Variants in GALNT13 observed in about 807,000 individuals in gnomAD.
GALNT13 encodes the protein polypeptide N-acetylgalactosaminyltransferase 13.
A neutral mutation model predicts 64.2 loss-of-function variants in GALNT13; 28 were observed. The observed-to-expected ratio is 0.44, with a 90% CI of 0.32 to 0.60. GALNT13 has a LOEUF of 0.60. Ranked by LOEUF, GALNT13 falls within the 20% of genes least tolerant of loss-of-function variation. GALNT13 has a pLI of 0.05. For missense variants in GALNT13, 577 were observed against 669.8 expected (o/e 0.86, Z 1.53); for synonymous variants, 214 against 224.6 (o/e 0.95, Z 0.42).
At chr2:153,075,587 A>G in the GALNT13 span, among the ~76,000 whole-genome samples, 4 of 152,216 alleles carry the variant, frequency 2.6e-5, no homozygotes, top group Admixed American at 6.5e-5. Flanking sequence ...TAGTTACACT[A>G]TCAATTCAAG....
chr2:153,519,503 T>C, the GALNT13 span, among the ~76,000 whole-genome samples: 2 of 152,294 alleles, frequency 1.3e-5, no homozygotes, highest in East Asian at 3.9e-4. Flanking sequence ...GTCTTTTTTT[T>C]CTTTTTAACT....
At chr2:153,199,292 A>G in the GALNT13 span, among the ~76,000 whole-genome samples, 1 of 152,210 alleles carries the variant, frequency 6.6e-6, no homozygotes, top group Non-Finnish European at 1.5e-5. Context: ...AGGAAAGCTT[A>G]TGGCTGTAGG....
At chr2:154,311,407 A>C (rs986255471) in intron 9 of GALNT13, among the ~76,000 whole-genome samples, 2 of 152,120 alleles carry the variant, frequency 1.3e-5, no homozygotes, top group African/African-American at 2.4e-5. Flanking sequence ...ATGCCCCACA[A>C]GCCACAAAAA....
At chr2:153,331,522 C>A in the GALNT13 span, among the ~76,000 whole-genome samples, 1 of 152,036 alleles carries the variant, frequency 6.6e-6, no homozygotes, top group Non-Finnish European at 1.5e-5. Context: ...AGAACCAGTC[C>A]GAGCCCCAAA....
the GALNT13 span, among the ~76,000 whole-genome samples, chr2:153,392,629 T>C: frequency 6.6e-6 from 1 of 152,058 alleles, no homozygotes; most frequent in Non-Finnish European, 1.5e-5. Context: ...AAACTCCCTC[T>C]TCCTCTGGGG....
At chr2:154,042,962 A>G (rs1699066357) in intron 3 of GALNT13, among the ~76,000 whole-genome samples, 1 of 152,060 alleles carries the variant, frequency 6.6e-6, no homozygotes, top group African/African-American at 2.4e-5. Flanking sequence ...GAAGGGTGGC[A>G]TATGACTATG....
the GALNT13 span, among the ~76,000 whole-genome samples, chr2:153,316,462 G>GA: frequency 0.15 from 22,637 of 151,430 alleles, 1,831 homozygotes; most frequent in Middle Eastern, 0.21. Context: ...CCAACATGAA[G>GA]AAACAATGTC....
intron 3 of GALNT13, among the ~76,000 whole-genome samples, chr2:154,029,119 C>A (rs1337231317): frequency 2.7e-5 from 4 of 150,792 alleles, no homozygotes. Flanking sequence ...GCAGTCTTTT[C>A]TCCATAGACT....
At chr2:153,113,854 C>T in the GALNT13 span, among the ~76,000 whole-genome samples, 2 of 151,954 alleles carry the variant, frequency 1.3e-5, no homozygotes, top group Non-Finnish European at 2.9e-5. Context: ...CAAATTTGTT[C>T]GTGGCCACTT....
At chr2:153,147,231 C>A in the GALNT13 span, among the ~76,000 whole-genome samples, 1 of 151,792 alleles carries the variant, frequency 6.6e-6, no homozygotes, top group African/African-American at 2.4e-5. Flanking sequence ...ACGCTCTGAT[C>A]CTGCTGGAGC....
chr2:153,849,297 C>T, the GALNT13 span, among the ~76,000 whole-genome samples: 3 of 152,070 alleles, frequency 2.0e-5, no homozygotes, highest in African/African-American at 7.2e-5. Context: ...TCCTACCAAA[C>T]AACATACTGA....
chr2:153,288,564 C>G, the GALNT13 span, among the ~76,000 whole-genome samples: 132 of 152,288 alleles, frequency 8.7e-4, no homozygotes, highest in African/African-American at 2.9e-3. Context: ...TGCTGTTAGT[C>G]ACTTAGTAGC....
At chr2:154,248,394 T>G (rs993409024) in intron 7 of GALNT13, among the ~76,000 whole-genome samples, 4 of 152,124 alleles carry the variant, frequency 2.6e-5, no homozygotes, top group Admixed American at 2.0e-4. Flanking sequence ...AATATATATT[T>G]TCCTTTAATC....
chr2:154,315,591 G>A (rs920986925), intron 9 of GALNT13, among the ~76,000 whole-genome samples: 5 of 152,132 alleles, frequency 3.3e-5, no homozygotes, highest in South Asian at 2.1e-4. Context: ...ATACACACAC[G>A]TATACATGAT....
intron 3 of GALNT13, among the ~76,000 whole-genome samples, chr2:154,064,884 AG>A (rs754541425): frequency 1.3e-5 from 2 of 152,110 alleles, no homozygotes; most frequent in African/African-American, 2.4e-5. Context: ...TTTGCATCTT[AG>A]GTACCCGCTC....
intron 2 of GALNT13, among the ~76,000 whole-genome samples, chr2:153,931,677 C>T (rs549962770): frequency 6.6e-6 from 1 of 152,210 alleles, no homozygotes; most frequent in South Asian, 2.1e-4. Context: ...GTTGAACCAA[C>T]CTTGCATCCT....
chr2:154,318,580 C>T (rs1194980868), intron 9 of GALNT13, among the ~76,000 whole-genome samples: 1 of 152,000 alleles, frequency 6.6e-6, no homozygotes, highest in African/African-American at 2.4e-5. Context: ...CAAAAATTAG[C>T]CAGGCATGGT....
chr2:153,363,469 A>T, the GALNT13 span, among the ~76,000 whole-genome samples: 1 of 152,154 alleles, frequency 6.6e-6, no homozygotes, highest in Non-Finnish European at 1.5e-5. Flanking sequence ...AAAAATTAAC[A>T]AAATAAATAG....
chr2:154,361,263 T>C (rs1170166506), intron 9 of GALNT13, among the ~76,000 whole-genome samples: 1 of 152,274 alleles, frequency 6.6e-6, no homozygotes, highest in East Asian at 1.9e-4. Flanking sequence ...ATACGGTTTA[T>C]ATGCATATAT....
Sources: allele counts gnomAD v4.1 joint callset (sites outside exome capture counted in the v4.1 genomes callset), GRCh38; gene constraint gnomAD v4.1.1; transcripts MANE v1.5; gene names NCBI Gene and HGNC (gene_info 2026-07-23, HGNC 2026-07-21).